The following SHC4 variants were observed in gnomAD, a reference collection of about 807,000 sequenced individuals.
The protein encoded by SHC4 is SHC adaptor protein 4, also known as SHC-transforming protein 4.
A neutral mutation model predicts 69.4 loss-of-function variants in SHC4; 41 were observed. The ratio of observed to expected loss-of-function variants is 0.59; its 90% CI spans 0.46 to 0.77. SHC4 has a LOEUF of 0.77. Among genes scored for constraint, SHC4 ranks in the 30% least tolerant of loss-of-function variants. SHC4 has a pLI of 0.00. For synonymous variants in SHC4, 318 were observed against 299.3 expected (o/e 1.06, Z -0.64); for missense variants, 777 against 783.8 (o/e 0.99, Z 0.10).
intron 3 of SHC4, 86 bp downstream of exon 3, chr15:48,890,662 T>C (rs1900120137): frequency 6.7e-7 from 1 of 1,486,262 alleles, no homozygotes; most frequent in South Asian, 1.1e-5. Context: ...ACCTTGGTCA[T>C]ATGGTGGGAT....
chr15:48,934,110 T>G (rs1234906775), intron 1 of SHC4, among the ~76,000 whole-genome samples: 22 of 152,144 alleles, frequency 1.4e-4, no homozygotes, highest in Admixed American at 1.4e-3. Flanking sequence ...TAAATTCTTT[T>G]GTGCTTCAAA....
intron 11 of SHC4, among the ~76,000 whole-genome samples, chr15:48,833,718 T>TG (rs1286318579): frequency 6.6e-6 from 1 of 152,184 alleles, no homozygotes; most frequent in Non-Finnish European, 1.5e-5. Flanking sequence ...GAACATGGCA[T>TG]GCAAGCTCTA....
At position 48,884,124 on chromosome 15, in the gene SHC4, A is replaced by T. The variant is rs1046385571; in HGVS notation, c.840+124T>A. ...ATTGTTATGCATAAATCTTCAGCAG[A>T]TTTTTCCCTTGTGCTGTATTAGGTT... On this transcript the variant is annotated intron_variant, in intron 4 of 11. Transcript: ENST00000332408. The T allele has an allele frequency of 2.8e-6, 3 of 1,064,396 alleles. No homozygotes were observed. The African/African-American group carries it at 5.0e-5, about 18-fold the overall frequency. The allele number at this position is 1,064,396 out of a possible 1,614,324, so 65.9% of individuals were successfully genotyped here.
At chr15:48,923,343 G>C (rs1272052606) in intron 2 of SHC4, among the ~76,000 whole-genome samples, 2 of 152,110 alleles carry the variant, frequency 1.3e-5, no homozygotes, top group Non-Finnish European at 2.9e-5. Flanking sequence ...CTGAGGTCAG[G>C]AGTTCAAGAC....
intron 11 of SHC4, among the ~76,000 whole-genome samples, chr15:48,826,415 A>T (rs1898691293): frequency 6.6e-6 from 1 of 151,756 alleles, no homozygotes; most frequent in Admixed American, 6.6e-5. Flanking sequence ...TGCCTGGCTA[A>T]TTTTTTTTAT....
chr15:48,901,085 A>C (rs1454475443), intron 2 of SHC4, among the ~76,000 whole-genome samples: 1 of 152,326 alleles, frequency 6.6e-6, no homozygotes, highest in East Asian at 1.9e-4. Context: ...TTTGAATTCC[A>C]TATGATTTTC....
intron 10 of SHC4, among the ~76,000 whole-genome samples, chr15:48,839,607 G>C (rs990355375): frequency 2.0e-5 from 3 of 152,212 alleles, no homozygotes; most frequent in South Asian, 4.1e-4. Context: ...TTGTGGACCA[G>C]TGACTGCTGT....
intron 4 of SHC4, chr15:48,879,528 T>C (rs1899897929): frequency 6.0e-6 from 1 of 167,100 alleles, no homozygotes; most frequent in South Asian, 2.1e-4. Context: ...TATGCTGTTA[T>C]ATACTAGAGA....
chr15:48,889,020 C>T (rs899830199), intron 3 of SHC4, among the ~76,000 whole-genome samples: 1 of 151,802 alleles, frequency 6.6e-6, no homozygotes, highest in Non-Finnish European at 1.5e-5. Flanking sequence ...GTACTCAATA[C>T]ATGCCAGCTG....
At position 48,834,964 on chromosome 15, in the gene SHC4, C is replaced by T. The variant is rs544674331; in HGVS notation, c.1542G>A (p.Leu514=). The part of the protein sequence containing the change: ...ATAQPASSHS[L]PHIKQQLWSE... ...TCCACAGCTGCTGCTTAATGTGTGG[C>T]AAAGAATGTGAGCTGGCAGGCTGGG... The change falls in exon 11 of 12, where the codon TTG becomes TTA. Residue 514 remains leucine (L), a synonymous_variant. Transcript: ENST00000332408. 1.2e-6 allele frequency: 2 copies of T among 1,613,254 alleles called. No individual in the cohort carries two copies. Among genetic ancestry groups the T allele is most frequent in the African/African-American group, 1.3e-5 (1 of 75,040 alleles).
intron 10 of SHC4, among the ~76,000 whole-genome samples, chr15:48,836,594 A>C (rs2140968682): frequency 6.6e-6 from 1 of 152,226 alleles, no homozygotes; most frequent in South Asian, 2.1e-4. Context: ...TGAAATAGAA[A>C]CCAGTCTTTA....
At chr15:48,882,596 C>G (rs1230430888) in intron 4 of SHC4, among the ~76,000 whole-genome samples, 1 of 152,082 alleles carries the variant, frequency 6.6e-6, no homozygotes, top group East Asian at 1.9e-4. Context: ...TTCATAAATT[C>G]CTTATTCATT....
chr15:48,844,533 AACTT>A, intron 9 of SHC4, among the ~76,000 whole-genome samples: 1 of 152,288 alleles, frequency 6.6e-6, no homozygotes, highest in East Asian at 1.9e-4. Flanking sequence ...TTCAGATATT[AACTT>A]AAACATCTCT....
intron 4 of SHC4, chr15:48,878,783 C>G (rs1899882700): frequency 6.5e-7 from 1 of 1,542,202 alleles, no homozygotes; most frequent in Non-Finnish European, 8.8e-7. Context: ...GAGGAGGGAC[C>G]CAACTTTCCG....
chr15:48,895,083 G>A (rs775796937), intron 2 of SHC4, among the ~76,000 whole-genome samples: 9 of 152,066 alleles, frequency 5.9e-5, no homozygotes, highest in East Asian at 1.9e-4. Flanking sequence ...GGGATTAGAG[G>A]TGTGAGCCAC....
intron 7 of SHC4, 52 bp downstream of exon 7, chr15:48,857,640 A>T: frequency 7.0e-7 from 1 of 1,435,812 alleles, no homozygotes; most frequent in Non-Finnish European, 9.3e-7. Flanking sequence ...ACATACAGAT[A>T]AATGCACACA....
intron 10 of SHC4, among the ~76,000 whole-genome samples, chr15:48,836,858 C>T (rs1258359806): frequency 6.6e-6 from 1 of 152,192 alleles, no homozygotes; most frequent in Admixed American, 6.5e-5. Flanking sequence ...TAAAAAATAT[C>T]ATTAATCTAA....
At chr15:48,856,406 A>G (rs1899317176) in intron 7 of SHC4, among the ~76,000 whole-genome samples, 1 of 152,160 alleles carries the variant, frequency 6.6e-6, no homozygotes, top group African/African-American at 2.4e-5. Flanking sequence ...CAATATATGA[A>G]CTTCCTAAAT....
At chr15:48,949,524 T>C (rs546443564) in intron 1 of SHC4, among the ~76,000 whole-genome samples, 1 of 152,260 alleles carries the variant, frequency 6.6e-6, no homozygotes, top group Admixed American at 6.5e-5. Context: ...TAATCTCCTC[T>C]TAATGGGCTT....
Sources: gnomAD v4.1 joint callset for allele counts (sites outside exome capture counted in the v4.1 genomes callset) on GRCh38, gnomAD v4.1.1 for gene constraint, MANE v1.5 for transcripts, NCBI Gene and HGNC (gene_info 2026-07-23, HGNC 2026-07-21) for gene names.